The following NEK11 variants were observed in gnomAD, a reference collection of about 807,000 sequenced individuals.
NEK11 encodes the protein NIMA related kinase 11, also known as serine/threonine-protein kinase Nek11.
NEK11 carries 72 observed loss-of-function variants against 80.7 expected under a neutral mutation model. That is an observed-to-expected ratio of 0.89 (90% CI 0.74 to 1.08). The LOEUF is 1.08. NEK11 is among the 50% of genes least tolerant of loss of function. The pLI is 0.00. For synonymous variants in NEK11, 251 were observed against 260.7 expected, an observed-to-expected ratio of 0.96 and a Z score of 0.36; for missense variants, 764 against 763.6, an observed-to-expected ratio of 1.00 and a Z score of -0.01.
chr3:131,131,553 T>A (rs1441880850), intron 5 of NEK11, among the ~76,000 whole-genome samples: 16 of 152,174 alleles, frequency 1.1e-4, no homozygotes, highest in Admixed American at 1.0e-3. Flanking sequence ...CCACGGAATC[T>A]GTAGTGACGC....
At chr3:131,162,800 C>A (rs1005229132) in intron 11 of NEK11, among the ~76,000 whole-genome samples, 1 of 152,082 alleles carries the variant, frequency 6.6e-6, no homozygotes, top group Non-Finnish European at 1.5e-5. Flanking sequence ...AGTTTCCAAA[C>A]GAAATCTCAT....
intron 15 of NEK11, among the ~76,000 whole-genome samples, chr3:131,235,899 G>A (rs17333983): frequency 0.014 from 2,149 of 152,252 alleles, 54 homozygotes; most frequent in African/African-American, 0.05. Context: ...GTTGGTAAAG[G>A]AGAAGAAAAG....
chr3:131,273,316 ATCT>A (rs757916619), intron 16 of NEK11, among the ~76,000 whole-genome samples, 159 bp from the exon 17 acceptor site: 40 of 152,216 alleles, frequency 2.6e-4, no homozygotes, highest in Non-Finnish European at 3.1e-4. Flanking sequence ...TTTGGAATAA[ATCT>A]TCTTAATGTG....
At chr3:131,115,930 C>CTTTCT (rs1239907666) in intron 5 of NEK11, among the ~76,000 whole-genome samples, 1 of 111,152 alleles carries the variant, frequency 9.0e-6, no homozygotes, top group African/African-American at 3.5e-5. Context: ...TTCTTTCTTT[C>CTTTCT]TTTCTTTCTT....
intron 17 of NEK11, among the ~76,000 whole-genome samples, chr3:131,277,788 A>G (rs911782868): frequency 6.6e-6 from 1 of 152,224 alleles, no homozygotes; most frequent in Non-Finnish European, 1.5e-5. Context: ...TGGACAAGTT[A>G]ACCAAACTCT....
intron 1 of NEK11, chr3:131,027,406 G>C (rs1191080882): frequency 6.6e-6 from 1 of 151,774 alleles, no homozygotes; most frequent in East Asian, 1.9e-4. Flanking sequence ...CTGTTTCACC[G>C]AGAACGGGTA....
chr3:131,105,376 G>A (rs923916537), intron 4 of NEK11, among the ~76,000 whole-genome samples: 4 of 152,108 alleles, frequency 2.6e-5, no homozygotes, highest in Non-Finnish European at 2.9e-5. Flanking sequence ...TTTATAAATA[G>A]CACGTCTAAT....
At chr3:131,231,718 C>T (rs956251794) in intron 15 of NEK11, among the ~76,000 whole-genome samples, 2 of 151,906 alleles carry the variant, frequency 1.3e-5, no homozygotes, top group Admixed American at 1.3e-4. Flanking sequence ...ATACAAATTA[C>T]ACTACAGAAC....
intron 3 of NEK11, among the ~76,000 whole-genome samples, chr3:131,075,902 G>A (rs562147219): frequency 6.6e-6 from 1 of 152,278 alleles, no homozygotes; most frequent in African/African-American, 2.4e-5. Context: ...GAGGGCTGGG[G>A]GAGCAGGCTA....
At chr3:131,066,189 T>C (rs762250049) in intron 3 of NEK11, among the ~76,000 whole-genome samples, 1 of 152,248 alleles carries the variant, frequency 6.6e-6, no homozygotes, top group Non-Finnish European at 1.5e-5. Flanking sequence ...TGGCATATTC[T>C]CCATAAGCCC....
rs1055184810 is a variant in NEK11 at position 131,295,007 on chromosome 3, T to C, written c.1718+21433T>C. ...CTCGTAATTAACATGTAGTTGGATC[T>C]TGTTTTTTGTTTTTTGATCCACCCT... On this transcript the variant is annotated intron_variant, in intron 17 of 17. Transcript: ENST00000383366. Among the ~76,000 whole-genome samples the C allele has an allele frequency of 3.4e-5, 5 of 149,126 alleles. No homozygotes were observed. In the South Asian group the frequency reaches 1.0e-3, roughly 31 times the overall value.
At chr3:131,115,982 CTTTCT>C (rs2081141629) in intron 5 of NEK11, among the ~76,000 whole-genome samples, 1 of 100,550 alleles carries the variant, frequency 9.9e-6, no homozygotes, top group Non-Finnish European at 2.1e-5. Context: ...TTCTTTCTTT[CTTTCT>C]TTATTATACT....
At chr3:131,301,451 T>C (rs2109192705) in intron 17 of NEK11, among the ~76,000 whole-genome samples, 1 of 152,200 alleles carries the variant, frequency 6.6e-6, no homozygotes, top group East Asian at 1.9e-4. Flanking sequence ...TGTCTTGTTC[T>C]GTTTCTCAAG....
At chr3:131,250,291 A>G (rs1319458652) in intron 16 of NEK11, among the ~76,000 whole-genome samples, 1 of 152,028 alleles carries the variant, frequency 6.6e-6, no homozygotes, top group African/African-American at 2.4e-5. Flanking sequence ...ATAAATAAGA[A>G]AAATATCTAG....
In NEK11 at chr3:131,152,818, AG is replaced by A. The variant is rs969702197; in HGVS notation, c.876+111del. On this transcript the variant is annotated intron_variant, in intron 9 of 17. Transcript: ENST00000383366. ...ATGATTCAGTAAGAATCAACCAGAA[AG>A]GAGGAAAAAGGCCAAAAAGAAGCTG... is the stretch of plus-strand genomic sequence containing the variant. The A allele has an allele frequency of 5.0e-6, 4 of 802,376 alleles. No individual in the cohort carries two copies. The African/African-American group carries it at 7.0e-5, about 14-fold the overall frequency. The allele number at this position is 802,376 out of a possible 1,614,324, so 49.7% of individuals were successfully genotyped here. A position where few individuals can be genotyped will look rare whatever the true frequency, so the allele number is the denominator to read the frequency against.
At chr3:131,043,666 T>C (rs2066887106) in intron 3 of NEK11, among the ~76,000 whole-genome samples, 1 of 152,086 alleles carries the variant, frequency 6.6e-6, no homozygotes, top group South Asian at 2.1e-4. Flanking sequence ...ACGGGGAGAA[T>C]GGAACCAAGT....
intron 17 of NEK11, among the ~76,000 whole-genome samples, chr3:131,336,779 A>G (rs1039332218): frequency 2.0e-4 from 30 of 152,250 alleles, no homozygotes; most frequent in Non-Finnish European, 3.1e-4. Context: ...CAAGAAAAAA[A>G]CAACCGCATC....
At chr3:131,068,029 T>C (rs746967727) in intron 3 of NEK11, among the ~76,000 whole-genome samples, 38 of 152,194 alleles carry the variant, frequency 2.5e-4, no homozygotes, top group Non-Finnish European at 3.5e-4. Flanking sequence ...GACTAGCAGC[T>C]GTTCCCAGTT....
At chr3:131,138,233 A>T (rs1274879541) in intron 7 of NEK11, among the ~76,000 whole-genome samples, 5 of 152,172 alleles carry the variant, frequency 3.3e-5, no homozygotes, top group African/African-American at 4.8e-5. Flanking sequence ...CTGAAGGAAG[A>T]GTCCTTAGGC....
Sources: gnomAD v4.1 joint callset for allele counts (sites outside exome capture counted in the v4.1 genomes callset) on GRCh38, gnomAD v4.1.1 for gene constraint, MANE v1.5 for transcripts, NCBI Gene and HGNC (gene_info 2026-07-23, HGNC 2026-07-21) for gene names.